SLC25A43: variants seen among roughly 807,000 people sequenced by gnomAD.
SLC25A43 encodes the protein solute carrier family 25 member 43.
In SLC25A43, 10 loss-of-function variants were observed where a neutral mutation model predicts 22.8. The ratio of observed to expected loss-of-function variants is 0.44; its 90% CI spans 0.27 to 0.74. The LOEUF (loss-of-function observed/expected upper bound fraction) is 0.74, where lower values mean the gene tolerates loss of function less well. Ranked by LOEUF, SLC25A43 falls within the 30% of genes least tolerant of loss-of-function variation. The pLI is 0.17. For synonymous variants in SLC25A43, 106 were observed against 121.6 expected (o/e 0.87, Z 0.84); for missense variants, 233 against 279.1 (o/e 0.83, Z 1.18).
intron 3 of SLC25A43, among the ~76,000 whole-genome samples, chrX:119,445,722 C>T (rs939891078): frequency 3.6e-5 from 4 of 111,407 alleles, no homozygotes; most frequent in Non-Finnish European, 5.7e-5. Flanking sequence ...GTTTGTGAAA[C>T]GAATAATTGG....
chrX:119,427,519 G>T (rs2052517763), intron 3 of SLC25A43, among the ~76,000 whole-genome samples: 1 of 112,458 alleles, frequency 8.9e-6, no homozygotes, highest in African/African-American at 3.2e-5. Context: ...GCTGTACAAG[G>T]ACAACTATTT....
intron 3 of SLC25A43, among the ~76,000 whole-genome samples, chrX:119,444,927 C>G (rs755068613): frequency 8.7e-5 from 9 of 104,003 alleles, no homozygotes; most frequent in Non-Finnish European, 1.6e-4. Context: ...CCCAGCTACT[C>G]AGGAGGTTGA....
intron 3 of SLC25A43, among the ~76,000 whole-genome samples, chrX:119,426,651 C>T (rs1359049678): frequency 6.3e-5 from 7 of 110,457 alleles, no homozygotes; most frequent in Admixed American, 5.8e-4. Flanking sequence ...GACGAAACCC[C>T]GTCTCTAATA....
chrX:119,415,968 A>G (rs1352692930), intron 3 of SLC25A43, among the ~76,000 whole-genome samples: 10 of 98,894 alleles, frequency 1.0e-4, no homozygotes, highest in African/African-American at 3.4e-4. Context: ...TATTTGTGCC[A>G]CCACACTCCA....
chrX:119,400,131 A>G (rs1422097340), intron 1 of SLC25A43, among the ~76,000 whole-genome samples: 2 of 111,030 alleles, frequency 1.8e-5, no homozygotes, highest in Non-Finnish European at 3.8e-5. Context: ...CCGAGAAGAA[A>G]GTGCTTGGTG....
chrX:119,416,243 G>A (rs1393339833), intron 3 of SLC25A43, among the ~76,000 whole-genome samples: 3 of 107,449 alleles, frequency 2.8e-5, no homozygotes, highest in Non-Finnish European at 5.7e-5. Flanking sequence ...TTTTTGAAAT[G>A]GAGTCTCGCT....
chrX:119,402,066 C>T (rs1445077329), intron 1 of SLC25A43, among the ~76,000 whole-genome samples: 1 of 112,024 alleles, frequency 8.9e-6, no homozygotes, highest in Non-Finnish European at 1.9e-5. Context: ...TGATTAATCG[C>T]GATGCCATCC....
intron 2 of SLC25A43, among the ~76,000 whole-genome samples, chrX:119,408,018 G>A (rs56293736): frequency 0.11 from 12,394 of 110,353 alleles, 550 homozygotes; most frequent in African/African-American, 0.14. Flanking sequence ...CCCGTGCACT[G>A]CTGCCCGGCT....
intron 1 of SLC25A43, among the ~76,000 whole-genome samples, chrX:119,400,659 C>A (rs1237046233): frequency 1.8e-5 from 2 of 112,134 alleles, no homozygotes; most frequent in African/African-American, 6.5e-5. Context: ...CTGTCACTCA[C>A]CTGGGAGGCC....
At chrX:119,432,587 G>A (rs939398840) in intron 3 of SLC25A43, among the ~76,000 whole-genome samples, 15 of 109,251 alleles carry the variant, frequency 1.4e-4, no homozygotes, top group African/African-American at 4.3e-4. Flanking sequence ...CCAGGATTTC[G>A]AGACCAGCCT....
chrX:119,399,680 T>A lies in SLC25A43; in HGVS notation c.275+2T>A, dbSNP rs766044714. Reference sequence around the variant, plus strand: ...CGTGCAGCTCGCCGCCTACCGCAAGTAAGAGCCGGGCGGGGCCGGGGAACC... The same window carrying A: ...CGTGCAGCTCGCCGCCTACCGCAAGAAAGAGCCGGGCGGGGCCGGGGAACC... On this transcript the variant is annotated splice_donor_variant, in intron 1 of 4. Transcript: ENST00000217909. LOFTEE classifies it high-confidence loss of function. 2.7e-4 allele frequency: 267 copies of A among 975,277 alleles called. No individual in the cohort carries two copies. In the African/African-American group the frequency reaches 5.1e-3, roughly 19 times the overall value. 80.4% of individuals were successfully genotyped at this position (975,277 alleles called of 1,213,427 possible).
At chrX:119,423,213 C>T (rs776474537) in intron 3 of SLC25A43, 1 of 112,148 alleles carries the variant, frequency 8.9e-6, no homozygotes, top group Non-Finnish European at 1.9e-5. Context: ...TGAACCAGCA[C>T]AACTCAAATC....
chrX:119,432,784 T>TAAAAA (rs35181029), intron 3 of SLC25A43, among the ~76,000 whole-genome samples: 43 of 71,443 alleles, frequency 6.0e-4, no homozygotes, highest in African/African-American at 2.1e-3. Flanking sequence ...CGAGATTCCA[T>TAAAAA]AAAAAAAAAA....
At chrX:119,416,407 G>T (rs1181583436) in intron 3 of SLC25A43, among the ~76,000 whole-genome samples, 1 of 111,196 alleles carries the variant, frequency 9.0e-6, no homozygotes, top group Non-Finnish European at 1.9e-5. Flanking sequence ...TTTTAGTAGA[G>T]ACAAGGTTTC....
At chrX:119,447,975 A>T (rs1254085558) in intron 3 of SLC25A43, among the ~76,000 whole-genome samples, 1 of 111,370 alleles carries the variant, frequency 9.0e-6, no homozygotes, top group Admixed American at 9.6e-5. Flanking sequence ...GCTAACAAGC[A>T]TTGCGCAGTT....
chrX:119,415,213 G>A (rs1021746633), intron 3 of SLC25A43, among the ~76,000 whole-genome samples: 8 of 109,762 alleles, frequency 7.3e-5, no homozygotes, highest in African/African-American at 2.6e-4. Flanking sequence ...GTGAGCCGCC[G>A]TGCCTGGCCA....
chrX:119,410,226 A>T lies in SLC25A43; in HGVS notation c.554A>T (p.Tyr185Phe). ...TTCTCTGCTGGCTCCCTTCTTGTTT[A>T]CATGAACCTGGAGAAAATCTGGAAC... Reference protein sequence around the residue: ...LPFSAGSLLVYMNLEKIWNGP... With the variant: ...LPFSAGSLLVFMNLEKIWNGP... The change falls in exon 3 of 5, where the codon TAC (tyrosine) becomes TTC (phenylalanine). Residue 185 changes from tyrosine to phenylalanine, a missense_variant. Physicochemically the swap from Tyr to Phe is conservative, Grantham distance 22. Coordinates refer to ENST00000217909, the MANE Select transcript of SLC25A43 (RefSeq NM_145305.3). 1 of 1,210,923 alleles carries T rather than the reference A, an allele frequency of 8.3e-7. No homozygotes were observed. Among genetic ancestry groups the T allele is most frequent in the East Asian group, 3.0e-5 (1 of 33,822 alleles).
intron 1 of SLC25A43, among the ~76,000 whole-genome samples, chrX:119,404,488 T>C (rs67472242): frequency 0.2 from 21,940 of 110,793 alleles, 1,845 homozygotes; most frequent in African/African-American, 0.31. Flanking sequence ...GGGCAGGGGG[T>C]GTGGAGCTTC....
intron 2 of SLC25A43, among the ~76,000 whole-genome samples, chrX:119,409,158 T>TTATG (rs1443679701): frequency 1.1e-5 from 1 of 93,305 alleles, no homozygotes; most frequent in Non-Finnish European, 2.1e-5. Context: ...CATTTTTATT[T>TTATG]TATTTATTTA....
Sources: allele counts gnomAD v4.1 joint callset (sites outside exome capture counted in the v4.1 genomes callset), GRCh38; gene constraint gnomAD v4.1.1; transcripts MANE v1.5; gene names NCBI Gene and HGNC (gene_info 2026-07-23, HGNC 2026-07-21).